PPM1M: variants seen among roughly 807,000 people sequenced by gnomAD.
PPM1M encodes protein phosphatase 1M.
Under a neutral mutation model 50.8 loss-of-function variants are expected in PPM1M, and 44 were observed. The ratio of observed to expected loss-of-function variants is 0.87; its 90% CI spans 0.68 to 1.11. PPM1M has a LOEUF of 1.11. Among genes scored for constraint, PPM1M ranks in the 50% most tolerant of loss-of-function variants. The pLI is 0.00. For missense variants in PPM1M, 556 were observed against 593.4 expected (o/e 0.94, Z 0.66); for synonymous variants, 224 against 242.9 (o/e 0.92, Z 0.72).
rs929467206 is a variant in PPM1M, at chr3:52,248,509, C to T, written c.914+56C>T. 41 of 1,589,590 alleles carry T rather than the reference C, an allele frequency of 2.6e-5. 1 individual carries two copies. Among genetic ancestry groups the T allele is most frequent in the East Asian group, 2.0e-4 (9 of 44,722 alleles). On this transcript the variant is annotated intron_variant, in intron 6 of 9. Transcript: ENST00000323588. ...GAGACCCCTGGGATCCAGGCCCAGC[C>T]GTATGGCCTGGGGCCCCCCTCCACC...
At position 52,249,984 on chromosome 3, in the gene PPM1M, G is replaced by C; in HGVS notation, c.*170G>C. The C allele has an allele frequency of 1.6e-6, 1 of 640,374 alleles. No individual in the cohort carries two copies. Among genetic ancestry groups the C allele is most frequent in the Non-Finnish European group, 2.7e-6 (1 of 369,940 alleles). 39.7% of individuals were successfully genotyped at this position (640,374 alleles called of 1,614,324 possible). A position where few individuals can be genotyped will look rare whatever the true frequency, so the allele number is the denominator to read the frequency against. ...TCAAGAGGAACATTTATACCAGGCA[G>C]TCAGAGCTGGAAGTGTATGGAGAGC... On this transcript the variant is annotated 3_prime_UTR_variant, in exon 10 of 10. Coordinates refer to ENST00000323588, the MANE Select transcript of PPM1M (RefSeq NM_144641.4).
Sources: gnomAD v4.1 joint callset for allele counts on GRCh38, gnomAD v4.1.1 for gene constraint, MANE v1.5 for transcripts, NCBI Gene and HGNC (gene_info 2026-07-23, HGNC 2026-07-21) for gene names.